ALG5: variants seen among roughly 807,000 people sequenced by gnomAD.
ALG5 encodes the protein ALG5 dolichyl-phosphate beta-glucosyltransferase.
A neutral mutation model predicts 51.8 loss-of-function variants in ALG5; 26 were observed. The ratio of observed to expected loss-of-function variants is 0.50; its 90% CI spans 0.37 to 0.70. The LOEUF (loss-of-function observed/expected upper bound fraction) is 0.70. Among genes scored for constraint, ALG5 ranks in the 30% least tolerant of loss-of-function variants. ALG5 has a pLI of 0.00. For synonymous variants in ALG5, 141 were observed against 136.1 expected (o/e 1.04, Z -0.25); for missense variants, 311 against 399.3 (o/e 0.78, Z 1.88).
intron 8 of ALG5, among the ~76,000 whole-genome samples, chr13:36,963,368 A>C (rs1048916142): frequency 1.3e-5 from 2 of 152,250 alleles, no homozygotes; most frequent in Non-Finnish European, 1.5e-5. Flanking sequence ...ATGATTTTTA[A>C]GTTATCAATC....
intron 1 of ALG5, among the ~76,000 whole-genome samples, chr13:36,996,807 C>T (rs2059052861): frequency 6.6e-6 from 1 of 152,162 alleles, no homozygotes; most frequent in Non-Finnish European, 1.5e-5. Flanking sequence ...GAGAATATTT[C>T]ACTTTGCAAC....
chr13:36,966,184 T>C (rs186858406), intron 7 of ALG5, among the ~76,000 whole-genome samples: 1 of 152,288 alleles, frequency 6.6e-6, no homozygotes, highest in African/African-American at 2.4e-5. Context: ...TGACAGAAGA[T>C]GTATAGCAGA....
chr13:36,960,607 G>A (rs1461776415), intron 8 of ALG5, among the ~76,000 whole-genome samples: 1 of 152,020 alleles, frequency 6.6e-6, no homozygotes, highest in African/African-American at 2.4e-5. Context: ...TTGACCTCAG[G>A]GCTCAAGCTA....
intron 8 of ALG5, among the ~76,000 whole-genome samples, chr13:36,959,377 G>C (rs1204997157): frequency 6.6e-6 from 1 of 152,090 alleles, no homozygotes; most frequent in Non-Finnish European, 1.5e-5. Flanking sequence ...CACAAAAAAA[G>C]GATGTACATT....
intron 4 of ALG5, among the ~76,000 whole-genome samples, chr13:36,992,261 C>CT (rs1264694853): frequency 2.4e-4 from 36 of 152,166 alleles, no homozygotes; most frequent in Admixed American, 2.0e-4. Context: ...AGAAAGTGGT[C>CT]TTTACATCTT....
intron 5 of ALG5, 40 bp from the exon 6 acceptor site, chr13:36,985,780 A>T: frequency 7.1e-7 from 1 of 1,399,670 alleles, no homozygotes; most frequent in Non-Finnish European, 1.0e-6. Context: ...ATTGGTTAAA[A>T]CTCAGGTTAA....
At chr13:36,974,694 A>G (rs992290483) in intron 6 of ALG5, among the ~76,000 whole-genome samples, 79 of 152,206 alleles carry the variant, frequency 5.2e-4, no homozygotes, top group African/African-American at 1.9e-3. Flanking sequence ...ACACATTGCC[A>G]ATCTTGTTCT....
intron 8 of ALG5, among the ~76,000 whole-genome samples, chr13:36,959,566 CTG>C (rs2058856303): frequency 6.6e-6 from 1 of 152,012 alleles, no homozygotes; most frequent in Non-Finnish European, 1.5e-5. Flanking sequence ...TTTCAAAACA[CTG>C]TGGAGAAAAA....
At chr13:36,965,841 A>G (rs2058890684) in intron 7 of ALG5, 115 bp from the exon 8 acceptor site, 5 of 839,566 alleles carry the variant, frequency 6.0e-6, no homozygotes, top group African/African-American at 1.7e-5. Context: ...TAGATCTTAC[A>G]TAAGAACACC....
intron 6 of ALG5, among the ~76,000 whole-genome samples, chr13:36,977,373 C>A (rs2058956739): frequency 6.6e-6 from 1 of 152,042 alleles, no homozygotes; most frequent in Non-Finnish European, 1.5e-5. Flanking sequence ...ATAAGTGAGG[C>A]AGGTGTGGTG....
intron 1 of ALG5, among the ~76,000 whole-genome samples, 171 bp from the exon 2 acceptor site, chr13:36,995,767 C>A (rs1431927216): frequency 6.6e-6 from 1 of 152,156 alleles, no homozygotes; most frequent in East Asian, 1.9e-4. Context: ...AATAGTGAGT[C>A]CCCTACTTAT....
chr13:36,964,247 G>A (rs2058881670), intron 8 of ALG5, among the ~76,000 whole-genome samples: 1 of 152,152 alleles, frequency 6.6e-6, no homozygotes, highest in Non-Finnish European at 1.5e-5. Flanking sequence ...GGAGACACAG[G>A]TGGGGCCAGA....
intron 6 of ALG5, 21 bp from the exon 7 acceptor site, chr13:36,972,057 A>C (rs747480270): frequency 6.4e-7 from 1 of 1,559,608 alleles, no homozygotes; most frequent in South Asian, 1.2e-5. Flanking sequence ...AAGCAGAGAT[A>C]GTTTTTCAAT....
intron 4 of ALG5, among the ~76,000 whole-genome samples, chr13:36,990,001 C>G (rs2059018794): frequency 6.6e-6 from 1 of 152,172 alleles, no homozygotes; most frequent in African/African-American, 2.4e-5. Context: ...GCTCTTATTC[C>G]CCAGAGAGGC....
chr13:36,978,919 TA>T (rs371750658), intron 6 of ALG5, among the ~76,000 whole-genome samples: 24 of 135,246 alleles, frequency 1.8e-4, no homozygotes, highest in Admixed American at 3.0e-4. Context: ...TGGTCTCAAT[TA>T]AAAAAAAAAA....
chr13:36,987,889 C>T (rs1026852867), intron 5 of ALG5, among the ~76,000 whole-genome samples: 2 of 152,106 alleles, frequency 1.3e-5, no homozygotes, highest in Non-Finnish European at 2.9e-5. Flanking sequence ...TAAAGTGTCA[C>T]TCTGTCAATG....
At chr13:36,998,604 C>T (rs1202857782) in intron 1 of ALG5, among the ~76,000 whole-genome samples, 1 of 152,196 alleles carries the variant, frequency 6.6e-6, no homozygotes, top group African/African-American at 2.4e-5. Flanking sequence ...TGCATTCTAT[C>T]GTCCTGCCTT....
intron 8 of ALG5, among the ~76,000 whole-genome samples, chr13:36,953,138 CAATAT>C (rs2058825468): frequency 6.6e-6 from 1 of 152,116 alleles, no homozygotes; most frequent in African/African-American, 2.4e-5. Context: ...GTGTCCTGCA[CAATAT>C]AATACTGGCA....
chr13:36,989,718 T>G, intron 4 of ALG5, 142 bp from the exon 5 acceptor site: 1 of 614,350 alleles, frequency 1.6e-6, no homozygotes, highest in Non-Finnish European at 2.8e-6. Context: ...TACATTCTGA[T>G]GACCTGGAGG....
Sources: gnomAD v4.1 joint callset for allele counts (sites outside exome capture counted in the v4.1 genomes callset) on GRCh38, gnomAD v4.1.1 for gene constraint, MANE v1.5 for transcripts, NCBI Gene and HGNC (gene_info 2026-07-23, HGNC 2026-07-21) for gene names.